The following ACSS1 variants were observed in gnomAD, a reference collection of about 807,000 sequenced individuals.
The protein encoded by ACSS1 is acyl-CoA synthetase short chain family member 1, also known as acetyl-coenzyme A synthetase 2-like, mitochondrial.
A neutral mutation model predicts 75.3 loss-of-function variants in ACSS1; 42 were observed. The ratio of observed to expected loss-of-function variants is 0.56; its 90% CI spans 0.44 to 0.72. ACSS1 has a LOEUF of 0.72. Among genes scored for constraint, ACSS1 ranks in the 30% least tolerant of loss-of-function variants. The pLI is 0.00. For synonymous variants in ACSS1, 380 were observed against 376.8 expected, an observed-to-expected ratio of 1.01 and a Z score of -0.10; for missense variants, 782 against 935.7, an observed-to-expected ratio of 0.84 and a Z score of 2.14.
chr20:25,013,424 T>G (rs1034050575), intron 10 of ACSS1, 112 bp downstream of exon 10: 5 of 1,401,960 alleles, frequency 3.6e-6, no homozygotes, highest in Admixed American at 2.6e-5. Context: ...CGAGCACCTA[T>G]TCCTGGCCAC....
chr20:25,018,768 G>A (rs116200804), intron 7 of ACSS1, among the ~76,000 whole-genome samples: 580 of 152,330 alleles, frequency 3.8e-3, no homozygotes, highest in African/African-American at 0.013. Flanking sequence ...AAAGCTGGTT[G>A]AGAAACAGAA....
rs887120364 is a variant in ACSS1 at position 25,056,086 on chromosome 20, C to G, written c.334+1683G>C. ...AAGAAATAAGTGAAGGAAAAGGAGACAGAAGAATGCTTGCTGACCACACCC... is the reference window on the plus strand; with the variant it reads ...AAGAAATAAGTGAAGGAAAAGGAGAGAGAAGAATGCTTGCTGACCACACCC... On this transcript the variant is annotated intron_variant, in intron 1 of 13. Transcript: ENST00000323482. Among the ~76,000 whole-genome samples, 4 of 152,340 alleles carry G rather than the reference C, an allele frequency of 2.6e-5. No homozygotes were observed. In the East Asian group the frequency reaches 7.7e-4, roughly 29 times the overall value.
intron 3 of ACSS1, among the ~76,000 whole-genome samples, chr20:25,029,180 C>A (rs1320388304): frequency 1.3e-5 from 2 of 152,068 alleles, no homozygotes; most frequent in South Asian, 4.1e-4. Context: ...ACATACTCAA[C>A]AACAAAAAGA....
At chr20:25,019,197 C>T (rs1170570829) in intron 7 of ACSS1, among the ~76,000 whole-genome samples, 11 of 152,214 alleles carry the variant, frequency 7.2e-5, no homozygotes. Flanking sequence ...CCACGCGTGA[C>T]CACACGTCAA....
rs977622765 is a variant in ACSS1, at chr20:25,030,904, G to C, written c.486C>G (p.Val162=). ...AGATGGCAACACGGTCCCCACGGTG[G>C]ACTCCATGCCTCTTCAGCGTGTTGG... ...RLANTLKRHG[V]HRGDRVAIYM... is the part of the protein sequence containing the mutation. The change falls in exon 3 of 14, where the codon GTC becomes GTG. Residue 162 remains valine, a synonymous_variant. Transcript: ENST00000323482. 1 of 1,614,224 alleles carries C rather than the reference G, an allele frequency of 6.2e-7. No homozygotes were observed.
chr20:25,030,983 A>G, intron 2 of ACSS1, 25 bp from the exon 3 acceptor site: 1 of 1,611,334 alleles, frequency 6.2e-7, no homozygotes, highest in Non-Finnish European at 8.5e-7. Flanking sequence ...AGAGAAAGCC[A>G]TCAGAGATGG....
At chr20:25,050,726 C>A (rs2089163980) in intron 1 of ACSS1, among the ~76,000 whole-genome samples, 1 of 152,098 alleles carries the variant, frequency 6.6e-6, no homozygotes, top group Admixed American at 6.5e-5. Flanking sequence ...GGCACCAGGA[C>A]ACTCTTCTCA....
chr20:25,023,235 A>C (rs1442153173), intron 4 of ACSS1, 143 bp from the exon 5 acceptor site: 1 of 1,230,410 alleles, frequency 8.1e-7, no homozygotes, highest in Admixed American at 2.7e-5. Context: ...AAATGTGGAA[A>C]GGACACAAAA....
At position 25,012,656 on chromosome 20, in the gene ACSS1, G is replaced by A; in HGVS notation, c.1716C>T (p.His572=). The change falls in exon 12 of 14, where the codon CAC becomes CAT. Residue 572 remains histidine, a synonymous_variant. Transcript: ENST00000323482. ...TAEIEDAIAD[H]PAVPESAVIG... is the part of the protein sequence containing the mutation. ...TGACAGCACTTTCTGGTACTGCAGG[G>A]TGGTCGGCCTGTGTACAACAGAGAA... 6.2e-7 allele frequency: 1 copy of A among 1,614,206 alleles called. No homozygotes were observed. Among genetic ancestry groups the A allele is most frequent in the Non-Finnish European group, 8.5e-7 (1 of 1,180,042 alleles).
intron 13 of ACSS1, among the ~76,000 whole-genome samples, chr20:25,009,023 G>C (rs1206225759): frequency 6.6e-6 from 1 of 152,040 alleles, no homozygotes; most frequent in Non-Finnish European, 1.5e-5. Context: ...CTCCTGGACA[G>C]ATGAGCCCAC....
chr20:25,032,475 T>C (rs2088843773), intron 2 of ACSS1: 1 of 1,319,100 alleles, frequency 7.6e-7, no homozygotes, highest in South Asian at 2.2e-5. Flanking sequence ...TTAACCACTT[T>C]CCCACTCTTG....
chr20:25,009,445 C>T (rs1471512885), intron 12 of ACSS1, 57 bp from the exon 13 acceptor site: 5 of 1,428,802 alleles, frequency 3.5e-6, no homozygotes, highest in African/African-American at 1.4e-5. Flanking sequence ...AGCCAACTCC[C>T]GAGGCAGGGT....
intron 12 of ACSS1, chr20:25,011,840 A>G (rs1169776218): frequency 6.6e-6 from 1 of 152,286 alleles, no homozygotes; most frequent in Non-Finnish European, 1.5e-5. Flanking sequence ...GTGGCCTCCC[A>G]GCGGGAGGGC....
intron 2 of ACSS1, chr20:25,032,426 C>T (rs1339346637): frequency 7.2e-6 from 10 of 1,392,676 alleles, no homozygotes; most frequent in East Asian, 2.8e-5. Context: ...TCTTTCCTTT[C>T]GGCGCCTCAT....
At chr20:25,039,128 C>G (rs2088961958) in intron 2 of ACSS1, among the ~76,000 whole-genome samples, 1 of 152,188 alleles carries the variant, frequency 6.6e-6, no homozygotes, top group South Asian at 2.1e-4. Flanking sequence ...CATGGAGAAC[C>G]CACTTAACCC....
At chr20:25,051,140 A>T (rs1388590107) in intron 1 of ACSS1, among the ~76,000 whole-genome samples, 1 of 151,904 alleles carries the variant, frequency 6.6e-6, no homozygotes, top group Non-Finnish European at 1.5e-5. Flanking sequence ...TGCCCTCCTC[A>T]CACCCACACT....
chr20:25,035,501 G>A (rs904326091), intron 2 of ACSS1, among the ~76,000 whole-genome samples: 9 of 151,880 alleles, frequency 5.9e-5, no homozygotes, highest in African/African-American at 2.2e-4. Context: ...CACCTCCCAG[G>A]TTCAAGGGAT....
At chr20:25,010,065 C>G (rs575721234) in intron 12 of ACSS1, 19 of 152,538 alleles carry the variant, frequency 1.2e-4, no homozygotes, top group African/African-American at 3.1e-4. Context: ...GAAGAGGGAT[C>G]TAATTTGATT....
rs1188961316 is a variant in ACSS1, at chr20:25,013,673, C to T, written c.1453-11G>A. ...CTCCACGACGCTGCCCTGTAGACCC[C>T]GGACATGCAAGTGAGACAGGGCAGG... On this transcript the variant is annotated splice_polypyrimidine_tract_variant and intron_variant, in intron 9 of 13. Coordinates refer to ENST00000323482, the MANE Select transcript of ACSS1 (RefSeq NM_032501.4). The T allele has an allele frequency of 8.2e-6, 13 of 1,588,432 alleles. No individual in the cohort carries two copies. The highest frequency in any genetic ancestry group is 2.7e-5 in the African/African-American group (2 of 74,324).
Sources: allele counts gnomAD v4.1 joint callset (sites outside exome capture counted in the v4.1 genomes callset), GRCh38; gene constraint gnomAD v4.1.1; transcripts MANE v1.5; gene names NCBI Gene and HGNC (gene_info 2026-07-23, HGNC 2026-07-21).